Variants in C8orf34 observed in about 807,000 individuals in gnomAD.
C8orf34 encodes the protein chromosome 8 open reading frame 34.
Under a neutral mutation model 68.3 loss-of-function variants are expected in C8orf34, and 65 were observed. The ratio of observed to expected loss-of-function variants is 0.95; its 90% CI spans 0.78 to 1.17. The LOEUF (loss-of-function observed/expected upper bound fraction) is 1.17, where lower values mean the gene tolerates loss of function less well. Ranked by LOEUF, C8orf34 falls within the 50% of genes most tolerant of loss-of-function variation. The pLI is 0.00. For synonymous variants in C8orf34, 244 were observed against 241.2 expected, an observed-to-expected ratio of 1.01 and a Z score of -0.11; for missense variants, 664 against 655.4, an observed-to-expected ratio of 1.01 and a Z score of -0.14.
At chr8:68,713,495 C>T (rs1039846636) in intron 9 of C8orf34, among the ~76,000 whole-genome samples, 14 of 151,968 alleles carry the variant, frequency 9.2e-5, no homozygotes, top group East Asian at 5.8e-4. Context: ...ACCACAGAAA[C>T]GCAAAAGATT....
chr8:68,356,786 A>AAATAT (rs1306599860), intron 1 of C8orf34, among the ~76,000 whole-genome samples: 2 of 152,132 alleles, frequency 1.3e-5, no homozygotes, highest in Non-Finnish European at 2.9e-5. Context: ...ATTCTACATG[A>AAATAT]AATATACTGA....
intron 1 of C8orf34, among the ~76,000 whole-genome samples, chr8:68,430,771 A>G (rs1810420304): frequency 6.6e-6 from 1 of 152,130 alleles, no homozygotes; most frequent in Non-Finnish European, 1.5e-5. Flanking sequence ...GTAGCTGAAT[A>G]TTCTCTTGGG....
At chr8:68,387,057 A>G (rs949268340) in intron 1 of C8orf34, among the ~76,000 whole-genome samples, 2 of 152,018 alleles carry the variant, frequency 1.3e-5, no homozygotes, top group African/African-American at 4.8e-5. Context: ...AAAGATGGGC[A>G]TGATGGAGAC....
chr8:68,726,320 A>C (rs1821829507), intron 10 of C8orf34, among the ~76,000 whole-genome samples: 1 of 152,194 alleles, frequency 6.6e-6, no homozygotes, highest in African/African-American at 2.4e-5. Context: ...GGATCCGTAC[A>C]TTTCAGCATA....
intron 4 of C8orf34, among the ~76,000 whole-genome samples, chr8:68,485,727 AT>A (rs201557440): frequency 1.1e-4 from 16 of 149,474 alleles, no homozygotes; most frequent in South Asian, 2.1e-4. Context: ...AAAATAAAAA[AT>A]AAATAAATAA....
At chr8:68,412,462 C>T (rs1809482877) in intron 1 of C8orf34, among the ~76,000 whole-genome samples, 1 of 152,036 alleles carries the variant, frequency 6.6e-6, no homozygotes, top group African/African-American at 2.4e-5. Context: ...AACTCCATGC[C>T]ATCAGATTAC....
chr8:68,672,993 C>T (rs1365229495), intron 8 of C8orf34, among the ~76,000 whole-genome samples: 1 of 152,134 alleles, frequency 6.6e-6, no homozygotes, highest in African/African-American at 2.4e-5. Context: ...CCCTAGCTCT[C>T]AGATGACATT....
intron 3 of C8orf34, among the ~76,000 whole-genome samples, chr8:68,466,765 A>ATATATATATATATATATATATATCTATG (rs1242128072): frequency 8.1e-6 from 1 of 123,318 alleles, no homozygotes; most frequent in Admixed American, 8.4e-5. Context: ...ATATATATAT[A>ATATATATATATATATATATATATCTATG]GATGCTTTCA....
chr8:68,456,497 A>G (rs1345004886), intron 3 of C8orf34, among the ~76,000 whole-genome samples: 1 of 152,234 alleles, frequency 6.6e-6, no homozygotes, highest in Non-Finnish European at 1.5e-5. Context: ...ATAAATGAAT[A>G]AATGAGGATA....
chr8:68,605,831 T>A (rs1817837519), intron 7 of C8orf34, among the ~76,000 whole-genome samples: 1 of 152,106 alleles, frequency 6.6e-6, no homozygotes, highest in Non-Finnish European at 1.5e-5. Flanking sequence ...ATTCTTAGAA[T>A]GTAAAAGCAC....
chr8:68,418,693 T>C (rs1809794603), intron 1 of C8orf34, among the ~76,000 whole-genome samples: 2 of 152,142 alleles, frequency 1.3e-5, no homozygotes, highest in South Asian at 4.1e-4. Flanking sequence ...TACAACTATC[T>C]GATCTTTGAC....
At chr8:68,780,251 T>C (rs1823637362) in intron 11 of C8orf34, among the ~76,000 whole-genome samples, 1 of 152,250 alleles carries the variant, frequency 6.6e-6, no homozygotes, top group Non-Finnish European at 1.5e-5. Flanking sequence ...CCAGAGCTTC[T>C]GTAAAATCAG....
rs1178086917 is a variant in C8orf34 at position 68,577,984 on chromosome 8, A to G, written c.1105+44835A>G. Among the ~76,000 whole-genome samples the G allele has an allele frequency of 2.0e-5, 3 of 151,938 alleles. No individual in the cohort carries two copies. The East Asian group carries it at 5.8e-4, about 29-fold the overall frequency. On this transcript the variant is annotated intron_variant, in intron 7 of 13. Transcript: ENST00000518698. Reference sequence around the variant, plus strand: ...TGTCCTCTTCTGTGTACTTATGTGTATTTTCCATTTCATTTTCCACCATAG... The same window carrying G: ...TGTCCTCTTCTGTGTACTTATGTGTGTTTTCCATTTCATTTTCCACCATAG...
intron 6 of C8orf34, among the ~76,000 whole-genome samples, chr8:68,527,691 A>G (rs1273068743): frequency 6.6e-6 from 1 of 152,230 alleles, no homozygotes; most frequent in African/African-American, 2.4e-5. Context: ...AATTCTGTGC[A>G]TTTAAATCCT....
chr8:68,371,691 C>G (rs1807570481), intron 1 of C8orf34, among the ~76,000 whole-genome samples: 3 of 151,944 alleles, frequency 2.0e-5, no homozygotes, highest in Admixed American at 2.0e-4. Context: ...CCTCTGCCTC[C>G]TGCGTTCAAG....
intron 8 of C8orf34, among the ~76,000 whole-genome samples, chr8:68,683,928 G>C (rs1048686952): frequency 2.6e-5 from 4 of 152,228 alleles, no homozygotes; most frequent in African/African-American, 9.6e-5. Context: ...TGGCCAACAA[G>C]GAGCTACATT....
At chr8:68,350,743 A>T (rs1274805449) in intron 1 of C8orf34, among the ~76,000 whole-genome samples, 2 of 151,888 alleles carry the variant, frequency 1.3e-5, no homozygotes, top group African/African-American at 2.4e-5. Context: ...GTCTGAAATT[A>T]GTTTTGTCTG....
intron 5 of C8orf34, among the ~76,000 whole-genome samples, chr8:68,510,184 C>T (rs995460704): frequency 2.7e-4 from 41 of 152,250 alleles, no homozygotes; most frequent in African/African-American, 8.7e-4. Flanking sequence ...CACTCCCTAT[C>T]GTAAGCCAAA....
intron 10 of C8orf34, among the ~76,000 whole-genome samples, chr8:68,763,164 G>C (rs1823069562): frequency 6.6e-6 from 1 of 152,132 alleles, no homozygotes; most frequent in African/African-American, 2.4e-5. Context: ...CCCAATGAAT[G>C]AATTTGTAAA....
Sources: allele counts gnomAD v4.1 joint callset (sites outside exome capture counted in the v4.1 genomes callset), GRCh38; gene constraint gnomAD v4.1.1; transcripts MANE v1.5; gene names NCBI Gene and HGNC (gene_info 2026-07-23, HGNC 2026-07-21).